The following DEPDC5 variants were observed in gnomAD, a reference collection of about 807,000 sequenced individuals.
The protein encoded by DEPDC5 is GATOR1 complex protein DEPDC5.
In DEPDC5, 73 loss-of-function variants were observed where a neutral mutation model predicts 217.3. The ratio of observed to expected loss-of-function variants is 0.34; its 90% CI spans 0.28 to 0.41. The LOEUF is 0.41. Among genes scored for constraint, DEPDC5 ranks in the 10% least tolerant of loss-of-function variants. The pLI is 1.00. For synonymous variants in DEPDC5, 733 were observed against 756.7 expected, an observed-to-expected ratio of 0.97 and a Z score of 0.51; for missense variants, 1,675 against 2,070.1, an observed-to-expected ratio of 0.81 and a Z score of 3.70.
At chr22:31,764,879 T>C (rs751426425) in intron 4 of DEPDC5, 96 bp from the exon 5 acceptor site, 2 of 853,888 alleles carry the variant, frequency 2.3e-6, no homozygotes, top group African/African-American at 1.7e-5. Context: ...AGATGATCAA[T>C]TGTGTTGCTT....
chr22:31,903,739 T>C (rs1403525507), intron 41 of DEPDC5, among the ~76,000 whole-genome samples: 7 of 134,220 alleles, frequency 5.2e-5, no homozygotes, highest in Non-Finnish European at 1.1e-4. Context: ...CCTTTCACAC[T>C]TAAACCTCTC....
At chr22:31,800,487 GC>G (rs2086753982) in intron 14 of DEPDC5, among the ~76,000 whole-genome samples, 2 of 152,086 alleles carry the variant, frequency 1.3e-5, no homozygotes, top group Non-Finnish European at 2.9e-5. Flanking sequence ...TCTTCTGTTG[GC>G]CAGTTAATTT....
chr22:31,864,779 C>T (rs898277836), intron 33 of DEPDC5, among the ~76,000 whole-genome samples: 6 of 151,960 alleles, frequency 3.9e-5, no homozygotes, highest in Non-Finnish European at 7.4e-5. Context: ...ACCTCCGCCT[C>T]CTGGGTTCAA....
intron 17 of DEPDC5, 98 bp downstream of exon 17, chr22:31,805,013 C>G: frequency 8.4e-7 from 1 of 1,190,864 alleles, no homozygotes; most frequent in South Asian, 1.4e-5. Context: ...TGGCACTAAA[C>G]CTTTTGTTAA....
chr22:31,864,326 G>A lies in DEPDC5; in HGVS notation c.3330+2893G>A, dbSNP rs541927464. ...GGTTTCACCATGTTAGGCTGCTCTC[G>A]AACTCCTAACCTCAGGTGATCCACC... On this transcript the variant is annotated intron_variant, in intron 33 of 42. Coordinates refer to ENST00000651528, the MANE Select transcript of DEPDC5 (RefSeq NM_001242896.3). Among the ~76,000 whole-genome samples, 42 of 150,696 alleles carry A rather than the reference G, an allele frequency of 2.8e-4. No individual in the cohort carries two copies. The East Asian group carries it at 6.7e-3, about 24-fold the overall frequency.
chr22:31,874,425 C>T lies in DEPDC5; in HGVS notation c.3696+20C>T, dbSNP rs368540141. On this transcript the variant is annotated intron_variant, in intron 36 of 42. Coordinates refer to ENST00000651528, the MANE Select transcript of DEPDC5 (RefSeq NM_001242896.3). ...ATGCAGGTGAGACAGCAAGAGGGGC[C>T]CATAGAGCTGTTTGCTTAGGTCCCG... 1.1e-5 allele frequency: 17 copies of T among 1,598,218 alleles called. No homozygotes were observed. Among genetic ancestry groups the T allele is most frequent in the Non-Finnish European group, 1.5e-5 (17 of 1,172,316 alleles).
intron 3 of DEPDC5, among the ~76,000 whole-genome samples, chr22:31,760,160 C>T (rs2082272567): frequency 6.6e-6 from 1 of 151,918 alleles, no homozygotes; most frequent in South Asian, 2.1e-4. Flanking sequence ...CTCCACCTCC[C>T]GGGTTCACGC....
chr22:31,809,292 G>T (rs2087956018), intron 18 of DEPDC5, among the ~76,000 whole-genome samples: 1 of 152,174 alleles, frequency 6.6e-6, no homozygotes, highest in Non-Finnish European at 1.5e-5. Context: ...GATTGACCAA[G>T]AATCTAAAGA....
chr22:31,887,315 G>A (rs1295411407), intron 38 of DEPDC5, among the ~76,000 whole-genome samples: 4 of 148,324 alleles, frequency 2.7e-5, no homozygotes, highest in Non-Finnish European at 4.4e-5. Flanking sequence ...AGCTGCTCGG[G>A]AGCTGAAGCA....
chr22:31,798,694 TACC>T (rs771713529), intron 14 of DEPDC5, 38 bp downstream of exon 14: 5 of 1,591,868 alleles, frequency 3.1e-6, no homozygotes, highest in Non-Finnish European at 4.3e-6. Flanking sequence ...GCATCTTGCC[TACC>T]ACATGGCTAT....
At chr22:31,815,656 C>G (rs1433251612) in intron 21 of DEPDC5, 1 of 574,002 alleles carries the variant, frequency 1.7e-6, no homozygotes, top group African/African-American at 1.9e-5. Flanking sequence ...ACTTCTGCCT[C>G]CCAAGTAACT....
chr22:31,863,934 A>C (rs546435279), intron 33 of DEPDC5, among the ~76,000 whole-genome samples: 10 of 152,170 alleles, frequency 6.6e-5, no homozygotes, highest in African/African-American at 2.4e-4. Context: ...AAAAAAACAA[A>C]AAAAAATTAT....
chr22:31,906,518 G>C lies in DEPDC5; in HGVS notation c.*21G>C, dbSNP rs780705284. 7.7e-6 allele frequency: 12 copies of C among 1,553,960 alleles called. No individual in the cohort carries two copies. The Admixed American group carries it at 1.0e-4, about 13-fold the overall frequency. On this transcript the variant is annotated 3_prime_UTR_variant, in exon 43 of 43. Transcript: ENST00000651528. This position sits in a 1 kb window ranked among gnomAD's most constrained non-coding sequence, Gnocchi z 5.1. ...CGTGAGGCCAGGCTGCACCTGTGCT[G>C]GGGGAAGGTGGGTGAGCCACTGCCC...
chr22:31,812,477 T>C (rs1013319197), intron 20 of DEPDC5, among the ~76,000 whole-genome samples: 9 of 139,406 alleles, frequency 6.5e-5, no homozygotes, highest in Non-Finnish European at 1.1e-4. Context: ...CAGGCTGGAG[T>C]GTAGTGGCGC....
At chr22:31,841,204 C>G (rs959769975) in intron 27 of DEPDC5, among the ~76,000 whole-genome samples, 2 of 152,238 alleles carry the variant, frequency 1.3e-5, no homozygotes, top group African/African-American at 4.8e-5. Context: ...CTGGGGTCCC[C>G]TGAGTAGCTT....
At chr22:31,756,850 G>A (rs2081978175) in intron 2 of DEPDC5, among the ~76,000 whole-genome samples, 1 of 151,626 alleles carries the variant, frequency 6.6e-6, no homozygotes, top group Admixed American at 6.6e-5. Context: ...GAACCCAGGA[G>A]GCAGAGGTTG....
chr22:31,855,527 C>T (rs1275834266), intron 31 of DEPDC5, among the ~76,000 whole-genome samples: 2 of 151,958 alleles, frequency 1.3e-5, no homozygotes, highest in Non-Finnish European at 2.9e-5. Flanking sequence ...CAGGCGCCCG[C>T]CACAACGCCC....
chr22:31,785,990 GGT>G (rs909548108), intron 10 of DEPDC5, among the ~76,000 whole-genome samples: 47 of 152,206 alleles, frequency 3.1e-4, no homozygotes, highest in Admixed American at 1.7e-3. Flanking sequence ...AAGTCATCTG[GGT>G]GCGGTGGCTC....
intron 4 of DEPDC5, among the ~76,000 whole-genome samples, chr22:31,764,215 A>C (rs911733689): frequency 2.6e-5 from 4 of 152,000 alleles, no homozygotes; most frequent in Non-Finnish European, 5.9e-5. Context: ...ATTTTAAAAG[A>C]ATTCTATAAA....
Sources: allele counts gnomAD v4.1 joint callset (sites outside exome capture counted in the v4.1 genomes callset), GRCh38; gene constraint gnomAD v4.1.1; non-coding constraint Gnocchi (gnomAD v3.1); transcripts MANE v1.5; gene names NCBI Gene and HGNC (gene_info 2026-07-23, HGNC 2026-07-21).